Variants in MR1 observed in about 807,000 individuals in gnomAD.
MR1 encodes major histocompatibility complex class I-related protein 1.
Under a neutral mutation model 37.8 loss-of-function variants are expected in MR1, and 44 were observed. That is an observed-to-expected ratio of 1.16 (90% confidence interval 0.91 to 1.50). The LOEUF is 1.50. Ranked by LOEUF, MR1 falls within the 40% of genes most tolerant of loss-of-function variation. MR1 has a pLI of 0.00. For missense variants in MR1, 386 were observed against 419.1 expected (o/e 0.92, Z 0.69); for synonymous variants, 153 against 155.8 (o/e 0.98, Z 0.13).
intron 1 of MR1, among the ~76,000 whole-genome samples, chr1:181,041,081 CAATAAATAAATAAATAAATA>C (rs56248336): frequency 4.3e-4 from 63 of 146,586 alleles, no homozygotes; most frequent in African/African-American, 1.5e-3. Context: ...GACTCTGTCT[CAATAAATAAATAAATAAATA>C]AATAAATAAA....
intron 5 of MR1, among the ~76,000 whole-genome samples, chr1:181,054,915 G>T (rs558994672): frequency 1.3e-5 from 2 of 152,248 alleles, no homozygotes; most frequent in Non-Finnish European, 2.9e-5. Flanking sequence ...GAGTTAATGG[G>T]TTGTTAATGT....
Position 181,060,475 on chromosome 1 carries a change from G to A in MR1, c.*5210G>A. On this transcript the variant is annotated 3_prime_UTR_variant, in exon 6 of 6. Coordinates refer to ENST00000367580, the MANE Select transcript of MR1 (RefSeq NM_001385161.1). ...TTTGGCTCCACTGGATTATCTAGCA[G>A]TTAGGAAACCAAGATCATTAAATGA... is the stretch of plus-strand genomic sequence containing the variant. 1 of 152,192 alleles carries A rather than the reference G, an allele frequency of 6.6e-6. No individual in the cohort carries two copies. Among genetic ancestry groups the A allele is most frequent in the East Asian group, 1.9e-4 (1 of 5,208 alleles). 9.4% of individuals were successfully genotyped at this position (152,192 alleles called of 1,614,324 possible).
intron 3 of MR1, among the ~76,000 whole-genome samples, chr1:181,051,660 A>G (rs1658329427): frequency 6.6e-6 from 1 of 152,206 alleles, no homozygotes; most frequent in Non-Finnish European, 1.5e-5. Context: ...CTTTGGTGTC[A>G]CTGCTGGAGC....
At chr1:181,047,567 C>T (rs1251744239) in intron 1 of MR1, among the ~76,000 whole-genome samples, 4 of 151,598 alleles carry the variant, frequency 2.6e-5, no homozygotes, top group African/African-American at 9.7e-5. Flanking sequence ...CCACTGCACT[C>T]CAGCCTGGGC....
chr1:181,049,670 A>G, intron 2 of MR1: 1 of 476,650 alleles, frequency 2.1e-6, no homozygotes, highest in Non-Finnish European at 3.8e-6. Flanking sequence ...ATGAGTATCG[A>G]CAGTAACTTT....
At chr1:181,049,452 C>A in intron 2 of MR1, 140 bp downstream of exon 2, 2 of 1,012,362 alleles carry the variant, frequency 2.0e-6, no homozygotes, top group Non-Finnish European at 2.8e-6. Context: ...TGGTGGAGTT[C>A]AGGGCCTCCC....
chr1:181,046,354 G>T (rs945685918), intron 1 of MR1, among the ~76,000 whole-genome samples: 1 of 151,978 alleles, frequency 6.6e-6, no homozygotes, highest in East Asian at 1.9e-4. Context: ...TACACCAATC[G>T]GCACTCTGTA....
In MR1 at chr1:181,059,241, G is replaced by C. The variant is rs1002013465; in HGVS notation, c.*3976G>C. The C allele has an allele frequency of 6.6e-6, 1 of 152,132 alleles. No homozygotes were observed. Among genetic ancestry groups the C allele is most frequent in the South Asian group, 2.1e-4 (1 of 4,828 alleles). The allele number at this position is 152,132 out of a possible 1,614,324, so 9.4% of individuals were successfully genotyped here. ...AGAGGTTGATGATTCCACTGCCTGA[G>C]CTGCCTTCACCTCTCTTTCTTTGGA... On this transcript the variant is annotated 3_prime_UTR_variant, in exon 6 of 6. Transcript: ENST00000367580.
At chr1:181,048,911 C>T (rs1382723046) in intron 1 of MR1, 141 bp from the exon 2 acceptor site, 2 of 1,097,476 alleles carry the variant, frequency 1.8e-6, no homozygotes, top group Non-Finnish European at 2.6e-6. Context: ...TTCTGTGGTT[C>T]TGTAAGAGGA....
In MR1 at chr1:181,052,416, G is replaced by T. The variant is rs528551338; in HGVS notation, c.786G>T (p.Ala262=). The T allele has an allele frequency of 1.9e-6, 3 of 1,614,164 alleles. No individual in the cohort carries two copies. The highest frequency in any genetic ancestry group is 2.5e-6 in the Non-Finnish European group (3 of 1,180,026). The part of the protein sequence containing the change: ...ILPSGDGTYQ[A]WASIELDPQS... ...CCAGTGGGGATGGAACCTATCAGGC[G>T]TGGGCATCAATTGAGCTTGATCCTC... Residue 262 remains alanine, a synonymous_variant, in exon 4 of 6, where the codon GCG becomes GCT. Transcript: ENST00000367580.
chr1:181,046,958 T>C (rs539220727), intron 1 of MR1, among the ~76,000 whole-genome samples: 11 of 151,542 alleles, frequency 7.3e-5, no homozygotes, highest in Non-Finnish European at 1.5e-4. Context: ...CATCCGAACA[T>C]CAGAAGGAAA....
chr1:181,046,239 G>C (rs1657859027), intron 1 of MR1, among the ~76,000 whole-genome samples: 1 of 152,276 alleles, frequency 6.6e-6, no homozygotes, highest in Non-Finnish European at 1.5e-5. Context: ...ATGGCAGGCA[G>C]CTCCACCTGC....
At chr1:181,041,757 C>T (rs530571664) in intron 1 of MR1, among the ~76,000 whole-genome samples, 47 of 152,290 alleles carry the variant, frequency 3.1e-4, no homozygotes, top group African/African-American at 1.0e-3. Context: ...TTCCTTAATA[C>T]GCCTTCCTTT....
intron 1 of MR1, chr1:181,037,027 GTGGGTGTAATCAGAC>G (rs1657310868): frequency 6.6e-6 from 1 of 152,354 alleles, no homozygotes; most frequent in African/African-American, 2.4e-5. Flanking sequence ...GGCGATATGG[GTGGGTGTAATCAGAC>G]TGGGGGCTGG....
At chr1:181,047,868 C>G (rs1037984301) in intron 1 of MR1, among the ~76,000 whole-genome samples, 3 of 151,922 alleles carry the variant, frequency 2.0e-5, no homozygotes, top group African/African-American at 7.3e-5. Context: ...CCACTGCACT[C>G]CAGCCTGGGC....
intron 1 of MR1, among the ~76,000 whole-genome samples, chr1:181,043,913 G>C (rs1008093303): frequency 6.8e-6 from 1 of 148,126 alleles, no homozygotes; most frequent in African/African-American, 2.5e-5. Context: ...TTGTAGCACA[G>C]AAGCTAATCC....
Position 181,050,002 on chromosome 1 carries a change from G to C in MR1, c.329-9G>C, listed in dbSNP as rs199739806. 6.6e-5 allele frequency: 107 copies of C among 1,610,280 alleles called. 3 individuals carry two copies. In the South Asian group the frequency reaches 1.2e-3, roughly 18 times the overall value. On this transcript the variant is annotated splice_polypyrimidine_tract_variant and intron_variant, in intron 2 of 5. Coordinates refer to ENST00000367580, the MANE Select transcript of MR1 (RefSeq NM_001385161.1). The stretch of plus-strand genomic sequence containing the variant: ...TGTGGACCCCTCTGGGCTTCTGTGT[G>C]TGTTCCAGGGTCTCACACTTACCAG...
intron 3 of MR1, chr1:181,050,887 G>C (rs1489065601): frequency 6.5e-6 from 1 of 154,990 alleles, no homozygotes; most frequent in Non-Finnish European, 1.4e-5. Context: ...TACTCAGGAG[G>C]CTGAGGTGGG....
At chr1:181,033,958 A>C (rs1657139027), upstream of MR1, 1 of 1,557,720 alleles carries the variant, frequency 6.4e-7, no homozygotes. Context: ...AGAGGTTCTC[A>C]GAAGGGACCT....
Sources: allele counts gnomAD v4.1 joint callset (sites outside exome capture counted in the v4.1 genomes callset), GRCh38; gene constraint gnomAD v4.1.1; transcripts MANE v1.5; gene names NCBI Gene and HGNC (gene_info 2026-07-23, HGNC 2026-07-21).